Variants in KLF12 observed in about 807,000 individuals in gnomAD.
The protein encoded by KLF12 is Krueppel-like factor 12.
A neutral mutation model predicts 37.8 loss-of-function variants in KLF12; 9 were observed. The observed-to-expected ratio is 0.24, with a 90% CI of 0.14 to 0.42. The LOEUF (loss-of-function observed/expected upper bound fraction) is 0.42, where lower values mean the gene tolerates loss of function less well. Ranked by LOEUF, KLF12 falls within the 10% of genes least tolerant of loss-of-function variation. The probability of loss-of-function intolerance (pLI) is 1.00; values close to 1 mark genes in which losing one functional copy is unlikely to be tolerated. For synonymous variants in KLF12, 208 were observed against 202.1 expected (o/e 1.03, Z -0.25); for missense variants, 411 against 516.0 (o/e 0.80, Z 1.97).
chr13:74,226,204 A>G, the KLF12 span, among the ~76,000 whole-genome samples: 1 of 152,154 alleles, frequency 6.6e-6, no homozygotes, highest in Non-Finnish European at 1.5e-5. Context: ...TCCAGGTGAG[A>G]ATTGATGGAA....
At chr13:73,930,873 T>C (rs1889638290) in intron 3 of KLF12, among the ~76,000 whole-genome samples, 1 of 149,668 alleles carries the variant, frequency 6.7e-6, no homozygotes, top group Non-Finnish European at 1.5e-5. Context: ...TTTTTTTTTT[T>C]TTTTTTTTTG....
chr13:73,830,053 G>A (rs1884068447), intron 4 of KLF12, among the ~76,000 whole-genome samples: 1 of 152,154 alleles, frequency 6.6e-6, no homozygotes. Context: ...GGCCAAGACA[G>A]GCAAGAAATG....
chr13:73,770,168 G>T (rs957156903), intron 5 of KLF12, among the ~76,000 whole-genome samples: 4 of 152,060 alleles, frequency 2.6e-5, no homozygotes, highest in Non-Finnish European at 5.9e-5. Flanking sequence ...ATTTTCCTAT[G>T]CAGAATTATA....
intron 3 of KLF12, among the ~76,000 whole-genome samples, chr13:73,883,389 A>G (rs1208116987): frequency 1.3e-5 from 2 of 152,186 alleles, no homozygotes; most frequent in East Asian, 3.9e-4. Context: ...GTCCTTGCCA[A>G]ACTGGTAACC....
intron 5 of KLF12, among the ~76,000 whole-genome samples, chr13:73,804,434 T>C (rs1882453407): frequency 6.6e-6 from 1 of 152,134 alleles, no homozygotes; most frequent in Admixed American, 6.6e-5. Context: ...CATTATACTT[T>C]TTTTTTTAAT....
rs1204421289 is a variant in KLF12 at position 73,964,605 on chromosome 13, TTAA to T, written c.34-20538_34-20536del. Among the ~76,000 whole-genome samples, 7 of 45,570 alleles carry T rather than the reference TTAA, an allele frequency of 1.5e-4. No individual in the cohort carries two copies. The South Asian group carries it at 6.6e-3, about 43-fold the overall frequency. 29.9% of individuals were successfully genotyped at this position (45,570 alleles called of 152,430 possible). ...TAACATGGTGAAACTCCGTCTCTAC[TTAA>T]AAAAAAAAAAAAAAAATCTAAGGTC... On this transcript the variant is annotated intron_variant, in intron 2 of 7. Transcript: ENST00000377669.
chr13:73,758,699 C>T (rs1433203819), intron 6 of KLF12, among the ~76,000 whole-genome samples: 1 of 152,154 alleles, frequency 6.6e-6, no homozygotes, highest in Non-Finnish European at 1.5e-5. Context: ...CATGATCTTA[C>T]AGCCTTAATT....
chr13:73,741,279 G>A (rs1417594403), intron 6 of KLF12, among the ~76,000 whole-genome samples: 2 of 152,100 alleles, frequency 1.3e-5, no homozygotes, highest in Non-Finnish European at 2.9e-5. Flanking sequence ...CTCTGCCGTG[G>A]CAACCCACGA....
chr13:73,810,333 T>G (rs1882859185), intron 5 of KLF12, among the ~76,000 whole-genome samples: 1 of 152,214 alleles, frequency 6.6e-6, no homozygotes, highest in Non-Finnish European at 1.5e-5. Flanking sequence ...TAAAATATAC[T>G]AATACATAAT....
intron 2 of KLF12, among the ~76,000 whole-genome samples, chr13:73,974,029 A>T (rs1264056148): frequency 6.6e-6 from 1 of 152,148 alleles, no homozygotes; most frequent in East Asian, 1.9e-4. Flanking sequence ...TAAAAATTGA[A>T]TTAATAATGT....
chr13:73,886,921 G>A (rs986005791), intron 3 of KLF12, among the ~76,000 whole-genome samples: 11 of 151,420 alleles, frequency 7.3e-5, no homozygotes, highest in Admixed American at 4.6e-4. Flanking sequence ...GGACCCGGGA[G>A]GCGGAGGTTG....
intron 3 of KLF12, among the ~76,000 whole-genome samples, chr13:73,899,509 G>A (rs1298299102): frequency 1.3e-5 from 2 of 152,168 alleles, no homozygotes; most frequent in Non-Finnish European, 2.9e-5. Flanking sequence ...CTTTGTGATG[G>A]TTACTGGCTT....
chr13:73,779,883 T>A (rs1055742195), intron 5 of KLF12, among the ~76,000 whole-genome samples: 4 of 152,220 alleles, frequency 2.6e-5, no homozygotes, highest in Admixed American at 6.5e-5. Context: ...TAAATTCTGA[T>A]GGATCTGAGC....
the KLF12 span, among the ~76,000 whole-genome samples, chr13:74,194,702 G>C: frequency 1.3e-5 from 2 of 152,186 alleles, no homozygotes; most frequent in African/African-American, 4.8e-5. Flanking sequence ...AGGGGGCCTA[G>C]ATGACATAGG....
the KLF12 span, among the ~76,000 whole-genome samples, chr13:74,278,361 C>G: frequency 6.6e-6 from 1 of 152,182 alleles, no homozygotes; most frequent in Non-Finnish European, 1.5e-5. Context: ...ATATCTGGCC[C>G]AGTGGAAACT....
chr13:73,720,070 T>A (rs1184316898), intron 6 of KLF12, among the ~76,000 whole-genome samples: 1 of 152,088 alleles, frequency 6.6e-6, no homozygotes. Flanking sequence ...CACCGATAAA[T>A]GTGTAGGATG....
intron 4 of KLF12, among the ~76,000 whole-genome samples, chr13:73,830,378 AC>A (rs1884088842): frequency 6.6e-6 from 1 of 152,224 alleles, no homozygotes; most frequent in South Asian, 2.1e-4. Context: ...CAGAAAAGAT[AC>A]TATATGGCTC....
chr13:74,128,920 TG>T lies in KLF12; in HGVS notation c.-32+4818del, dbSNP rs368249280. Among the ~76,000 whole-genome samples, 214 of 152,224 alleles carry T rather than the reference TG, an allele frequency of 1.4e-3. 1 individual carries two copies. The highest frequency in any genetic ancestry group is 4.3e-3 in the African/African-American group (179 of 41,532). On this transcript the variant is annotated intron_variant, in intron 1 of 7. Coordinates refer to ENST00000377669, the MANE Select transcript of KLF12 (RefSeq NM_007249.5). ...TGCTCTTGTGTATGGTGTGTGTGGG[TG>T]GGTTATGTACTAATATAGATATAGA... is the stretch of plus-strand genomic sequence containing the variant.
chr13:73,902,061 T>C (rs1888066404), intron 3 of KLF12, among the ~76,000 whole-genome samples: 1 of 152,210 alleles, frequency 6.6e-6, no homozygotes, highest in Admixed American at 6.5e-5. Flanking sequence ...GCTTATAGTT[T>C]AATGTGCTGA....
Sources: allele counts gnomAD v4.1 joint callset (sites outside exome capture counted in the v4.1 genomes callset), GRCh38; gene constraint gnomAD v4.1.1; transcripts MANE v1.5; gene names NCBI Gene and HGNC (gene_info 2026-07-23, HGNC 2026-07-21).